The following STT3A variants were observed in gnomAD, a reference collection of about 807,000 sequenced individuals.
STT3A encodes STT3 oligosaccharyltransferase complex catalytic subunit A.
Under a neutral mutation model 89.2 loss-of-function variants are expected in STT3A, and 34 were observed. The observed-to-expected ratio is 0.38, with a 90% CI of 0.29 to 0.51. STT3A has a LOEUF of 0.51. Ranked by LOEUF, STT3A falls within the 20% of genes least tolerant of loss-of-function variation. STT3A has a pLI of 0.89. For synonymous variants in STT3A, 282 were observed against 310.3 expected, an observed-to-expected ratio of 0.91 and a Z score of 0.96; for missense variants, 555 against 889.5, an observed-to-expected ratio of 0.62 and a Z score of 4.78.
intron 15 of STT3A, among the ~76,000 whole-genome samples, chr11:125,615,518 T>G (rs1031416249): frequency 1.3e-5 from 2 of 151,954 alleles, no homozygotes; most frequent in African/African-American, 4.8e-5. Context: ...ACAATAAAAA[T>G]CATACAAATA....
At chr11:125,620,169 G>A (rs778935496) in intron 17 of STT3A, 43 bp downstream of exon 17, 2 of 1,517,624 alleles carry the variant, frequency 1.3e-6, no homozygotes, top group Non-Finnish European at 1.8e-6. Context: ...TTTTATTTTT[G>A]GAGATTGGTT....
chr11:125,592,548 C>A, upstream of STT3A: 1 of 451,346 alleles, frequency 2.2e-6, no homozygotes, highest in Non-Finnish European at 4.4e-6. Context: ...CCCACTGCGA[C>A]TCCCCGTGGG....
intron 10 of STT3A, chr11:125,611,132 C>A (rs1052156314): frequency 4.5e-5 from 9 of 198,050 alleles, no homozygotes; most frequent in African/African-American, 1.9e-4. Context: ...TGTAAGAAGG[C>A]AAGTAGTACA....
chr11:125,603,930 A>G (rs975004815), intron 5 of STT3A, among the ~76,000 whole-genome samples: 10 of 152,166 alleles, frequency 6.6e-5, no homozygotes, highest in African/African-American at 2.4e-4. Context: ...TGTCCTCAGC[A>G]TATGTGTTCT....
chr11:125,602,585 A>T (rs1335730759), intron 4 of STT3A, among the ~76,000 whole-genome samples, 161 bp downstream of exon 4: 22 of 152,152 alleles, frequency 1.4e-4, no homozygotes. Flanking sequence ...ACAGGAGTAC[A>T]TTTGTAGTAG....
intron 11 of STT3A, among the ~76,000 whole-genome samples, chr11:125,612,199 C>T (rs1249886744): frequency 6.6e-6 from 1 of 152,042 alleles, no homozygotes; most frequent in Non-Finnish European, 1.5e-5. Context: ...TACTTTAAAT[C>T]ATCTCTAGAT....
chr11:125,609,336 C>G (rs1939931724), intron 9 of STT3A, 98 bp from the exon 10 acceptor site: 10 of 1,430,982 alleles, frequency 7.0e-6, no homozygotes, highest in Admixed American at 2.5e-5. Flanking sequence ...CCTTCTCTGT[C>G]ACTGAGAATC....
chr11:125,617,168 A>T (rs766857229), intron 15 of STT3A, among the ~76,000 whole-genome samples: 6 of 152,202 alleles, frequency 3.9e-5, no homozygotes, highest in Non-Finnish European at 5.9e-5. Context: ...TTGTAATATG[A>T]AGATAAGAAT....
chr11:125,610,255 G>T (rs888184475), intron 10 of STT3A, among the ~76,000 whole-genome samples: 4 of 151,772 alleles, frequency 2.6e-5, no homozygotes, highest in African/African-American at 9.7e-5. Flanking sequence ...TGTAGAGATG[G>T]GGTTTTGCCA....
chr11:125,620,697 T>A (rs1206543428), intron 17 of STT3A, 75 bp from the exon 18 acceptor site: 2 of 1,439,458 alleles, frequency 1.4e-6, no homozygotes, highest in Admixed American at 1.7e-5. Flanking sequence ...CCACTCTGGG[T>A]GAATCCATTT....
At chr11:125,597,183 G>T (rs373498147) in intron 3 of STT3A, 64 bp downstream of exon 3, 2 of 1,560,004 alleles carry the variant, frequency 1.3e-6, no homozygotes, top group Non-Finnish European at 1.8e-6. Context: ...ATGGGTTTCA[G>T]ATTCAAATTT....
At chr11:125,620,682 C>T in intron 17 of STT3A, 90 bp from the exon 18 acceptor site, 1 of 1,252,926 alleles carries the variant, frequency 8.0e-7, no homozygotes, top group Non-Finnish European at 1.2e-6. Context: ...CCAACATAAT[C>T]CTGCCCACTC....
At chr11:125,594,636 C>T (rs1939432028) in intron 1 of STT3A, among the ~76,000 whole-genome samples, 1 of 150,058 alleles carries the variant, frequency 6.7e-6, no homozygotes, top group Non-Finnish European at 1.5e-5. Context: ...GAATAACTAA[C>T]CTATGGTAGA....
At chr11:125,618,595 T>A (rs747042484) in intron 16 of STT3A, 34 bp downstream of exon 16, 9 of 1,588,568 alleles carry the variant, frequency 5.7e-6, no homozygotes, top group Non-Finnish European at 7.7e-6. Context: ...ATAACAGTAG[T>A]AATAATAGTG....
Position 125,620,869 on chromosome 11 carries a change from GATT to G in STT3A, c.*60_*62del, listed in dbSNP as rs1940328310. 187 of 841,494 alleles carry G rather than the reference GATT, an allele frequency of 2.2e-4. No individual in the cohort carries two copies. Among genetic ancestry groups the G allele is most frequent in the East Asian group, 3.7e-4 (11 of 29,382 alleles). The allele number at this position is 841,494 out of a possible 1,614,324, so 52.1% of individuals were successfully genotyped here. Reference sequence around the variant, plus strand: ...AGCACATCACATTTAGGACGTTGAAGATTTTTTTTTTTTTTTTTTTTTAATATG... The same window carrying G: ...AGCACATCACATTTAGGACGTTGAAGTTTTTTTTTTTTTTTTTTTAATATG... On this transcript the variant is annotated 3_prime_UTR_variant, in exon 18 of 18. Coordinates refer to ENST00000392708, the MANE Select transcript of STT3A (RefSeq NM_152713.5).
chr11:125,618,157 C>T (rs1051422068), intron 15 of STT3A, among the ~76,000 whole-genome samples: 2 of 152,078 alleles, frequency 1.3e-5, no homozygotes, highest in African/African-American at 4.8e-5. Flanking sequence ...GGACTAGTAG[C>T]GTAGGATTTC....
At chr11:125,610,895 A>G (rs1378258288) in intron 10 of STT3A, 1 of 152,086 alleles carries the variant, frequency 6.6e-6, no homozygotes, top group Non-Finnish European at 1.5e-5. Context: ...ATACAGCAAG[A>G]CCCCCATCTC....
chr11:125,609,938 C>A (rs1834466), intron 10 of STT3A: 60,385 of 210,882 alleles, frequency 0.29, 9,119 homozygotes, highest in East Asian at 0.4. Context: ...GTATTGAAGT[C>A]CCATAATGAG....
In STT3A at chr11:125,597,249, C is replaced by A. The variant is rs513209; in HGVS notation, c.149+130C>A. ...TCAGTACATTTAAGGGAAAAAAAAA[C>A]CCTTAAATTCTTCCAAAGGAGATAA... is the stretch of plus-strand genomic sequence containing the variant. On this transcript the variant is annotated intron_variant, in intron 3 of 17. Coordinates refer to ENST00000392708, the MANE Select transcript of STT3A (RefSeq NM_152713.5). The A allele has an allele frequency of 0.88, 791,043 of 903,976 alleles. 345,979 individuals carry two copies. The highest frequency in any genetic ancestry group is 0.95 in the South Asian group (63,827 of 67,074). 56.0% of individuals were successfully genotyped at this position (903,976 alleles called of 1,614,324 possible). A position where few individuals can be genotyped will look rare whatever the true frequency, so the allele number is the denominator to read the frequency against.
Sources: gnomAD v4.1 joint callset for allele counts (sites outside exome capture counted in the v4.1 genomes callset) on GRCh38, gnomAD v4.1.1 for gene constraint, MANE v1.5 for transcripts, NCBI Gene and HGNC (gene_info 2026-07-23, HGNC 2026-07-21) for gene names.